Variants in CNTN3 observed in about 807,000 individuals in gnomAD.
CNTN3 encodes the protein contactin-3.
A neutral mutation model predicts 119.1 loss-of-function variants in CNTN3; 60 were observed. The observed-to-expected ratio is 0.50, with a 90% CI of 0.41 to 0.62. The LOEUF (loss-of-function observed/expected upper bound fraction) is 0.62. Among genes scored for constraint, CNTN3 ranks in the 20% least tolerant of loss-of-function variants. The pLI is 0.00. For missense variants in CNTN3, 1,101 were observed against 1,242.4 expected (o/e 0.89, Z 1.71); for synonymous variants, 450 against 438.7 (o/e 1.03, Z -0.32).
intron 5 of CNTN3, among the ~76,000 whole-genome samples, chr3:74,380,431 C>G (rs960232227): frequency 2.6e-5 from 4 of 152,188 alleles, no homozygotes; most frequent in African/African-American, 9.7e-5. Context: ...ACTTCAGTGA[C>G]AGTAAATAAC....
At chr3:74,471,692 C>T (rs537546510) in intron 4 of CNTN3, among the ~76,000 whole-genome samples, 24 of 152,280 alleles carry the variant, frequency 1.6e-4, no homozygotes, top group Admixed American at 2.6e-4. Flanking sequence ...CACTGAAATA[C>T]ATGTGATTCA....
rs554254417 is a variant in CNTN3 at position 74,462,252 on chromosome 3, T to C, written c.358+24204A>G. 4.6e-5 allele frequency among the ~76,000 whole-genome samples: 7 copies of C among 152,196 alleles called. No homozygotes were observed. The East Asian group carries it at 1.4e-3, about 29-fold the overall frequency. On this transcript the variant is annotated intron_variant, in intron 4 of 22. Coordinates refer to ENST00000263665, the MANE Select transcript of CNTN3 (RefSeq NM_020872.3). The stretch of plus-strand genomic sequence containing the variant: ...TACAGCCCACAGAACCATAAGCCAA[T>C]TAAACATCTTTTCTTTATAAATTAC...
intron 1 of CNTN3, among the ~76,000 whole-genome samples, chr3:74,542,132 G>C (rs1258135117): frequency 1.3e-5 from 2 of 152,180 alleles, no homozygotes; most frequent in Non-Finnish European, 2.9e-5. Flanking sequence ...TATTTGGGAG[G>C]CTGAAGCAGG....
At chr3:74,520,541 A>C (rs1019439737) in intron 2 of CNTN3, among the ~76,000 whole-genome samples, 1 of 151,454 alleles carries the variant, frequency 6.6e-6, no homozygotes, top group Non-Finnish European at 1.5e-5. Flanking sequence ...GTATGTGTCA[A>C]AGACGATAAT....
At chr3:74,384,900 TTATAAG>T (rs1471733720) in intron 5 of CNTN3, among the ~76,000 whole-genome samples, 9 of 152,320 alleles carry the variant, frequency 5.9e-5, no homozygotes, top group African/African-American at 1.7e-4. Flanking sequence ...TCTGGGATAT[TTATAAG>T]TATGTTTATT....
intron 20 of CNTN3, among the ~76,000 whole-genome samples, chr3:74,272,771 A>G (rs1686105865): frequency 6.6e-6 from 1 of 152,130 alleles, no homozygotes; most frequent in Non-Finnish European, 1.5e-5. Context: ...TACTAACATC[A>G]CAAACAAAGA....
intron 1 of CNTN3, among the ~76,000 whole-genome samples, chr3:74,584,432 G>A (rs953632982): frequency 1.3e-5 from 2 of 151,984 alleles, no homozygotes; most frequent in Admixed American, 6.6e-5. Context: ...GGTGCTTTAC[G>A]AATGGTTTGG....
intron 1 of CNTN3, among the ~76,000 whole-genome samples, chr3:74,529,892 G>C (rs1243502650): frequency 6.6e-6 from 1 of 151,400 alleles, no homozygotes; most frequent in Non-Finnish European, 1.5e-5. Flanking sequence ...AGTGATCTTG[G>C]GGAAAAACTC....
chr3:74,432,661 TAGA>T (rs1229273853), intron 4 of CNTN3, among the ~76,000 whole-genome samples: 1 of 152,218 alleles, frequency 6.6e-6, no homozygotes, highest in East Asian at 1.9e-4. Flanking sequence ...CAGAAGCACT[TAGA>T]AGATCTCCTA....
chr3:74,461,145 T>C (rs1702360198), intron 4 of CNTN3, among the ~76,000 whole-genome samples: 1 of 151,984 alleles, frequency 6.6e-6, no homozygotes, highest in African/African-American at 2.4e-5. Context: ...TGATGTGTTA[T>C]ATTGACTGAA....
At chr3:74,545,379 T>C (rs1313371577) in intron 1 of CNTN3, among the ~76,000 whole-genome samples, 1 of 152,204 alleles carries the variant, frequency 6.6e-6, no homozygotes. Context: ...TAAGACTCTG[T>C]GAAAACTATC....
At position 74,512,292 on chromosome 3, in the gene CNTN3, T is replaced by C. The variant is rs572434817; in HGVS notation, c.55+8766A>G. On this transcript the variant is annotated intron_variant, in intron 2 of 22. Transcript: ENST00000263665. ...AAAATAGGATGGAATTGTCGTTATCTTCATGGTAGTTGTGAATACTGGTAC... is the reference window on the plus strand; with the variant it reads ...AAAATAGGATGGAATTGTCGTTATCCTCATGGTAGTTGTGAATACTGGTAC... 4.6e-5 allele frequency among the ~76,000 whole-genome samples: 7 copies of C among 152,260 alleles called. No homozygotes were observed. In the East Asian group the frequency reaches 1.2e-3, roughly 25 times the overall value.
At chr3:74,307,757 C>G (rs942164910) in intron 13 of CNTN3, among the ~76,000 whole-genome samples, 2 of 152,152 alleles carry the variant, frequency 1.3e-5, no homozygotes, top group African/African-American at 4.8e-5. Context: ...TTAGGGGAAC[C>G]TCTTGAACCT....
chr3:74,551,703 G>T (rs541302530), intron 1 of CNTN3, among the ~76,000 whole-genome samples: 5 of 139,458 alleles, frequency 3.6e-5, no homozygotes, highest in East Asian at 4.8e-4. Flanking sequence ...CCACATAATT[G>T]GAATCATTTA....
intron 1 of CNTN3, among the ~76,000 whole-genome samples, chr3:74,565,728 A>G (rs1027223003): frequency 1.3e-5 from 2 of 152,122 alleles, no homozygotes; most frequent in Non-Finnish European, 2.9e-5. Flanking sequence ...CCAAAATGTG[A>G]TGATAATTGT....
chr3:74,543,807 C>T (rs1214744702), intron 1 of CNTN3, among the ~76,000 whole-genome samples: 3 of 152,064 alleles, frequency 2.0e-5, no homozygotes, highest in South Asian at 2.1e-4. Context: ...ATCACAGGAA[C>T]ACTCAAGCCA....
chr3:74,378,463 C>T (rs1361141721), intron 5 of CNTN3, among the ~76,000 whole-genome samples: 1 of 152,150 alleles, frequency 6.6e-6, no homozygotes, highest in East Asian at 1.9e-4. Flanking sequence ...ATTTAGGATA[C>T]TACCAAGTCT....
intron 13 of CNTN3, among the ~76,000 whole-genome samples, chr3:74,313,453 AT>A (rs1702751010): frequency 6.6e-6 from 1 of 152,204 alleles, no homozygotes; most frequent in African/African-American, 2.4e-5. Flanking sequence ...TAAAAAAAAA[AT>A]TTTGTAAAAA....
intron 20 of CNTN3, among the ~76,000 whole-genome samples, chr3:74,277,418 C>A (rs548838762): frequency 6.6e-6 from 1 of 152,200 alleles, no homozygotes; most frequent in Non-Finnish European, 1.5e-5. Context: ...GATAACCCAC[C>A]ATGATCAAGT....
Sources: allele counts gnomAD v4.1 joint callset (sites outside exome capture counted in the v4.1 genomes callset), GRCh38; gene constraint gnomAD v4.1.1; transcripts MANE v1.5; gene names NCBI Gene and HGNC (gene_info 2026-07-23, HGNC 2026-07-21).